SAMD5: variants seen among roughly 807,000 people sequenced by gnomAD.
SAMD5 encodes the protein sterile alpha motif domain containing 5.
A neutral mutation model predicts 11.3 loss-of-function variants in SAMD5; 13 were observed. The ratio of observed to expected loss-of-function variants is 1.15; its 90% CI spans 0.75 to 1.83. SAMD5 has a LOEUF of 1.83. Among genes scored for constraint, SAMD5 ranks in the 40% most tolerant of loss-of-function variants. The probability of loss-of-function intolerance (pLI) is 0.00; values close to 1 mark genes in which losing one functional copy is unlikely to be tolerated. For synonymous variants in SAMD5, 129 were observed against 111.3 expected (o/e 1.16, Z -1.00); for missense variants, 255 against 239.1 (o/e 1.07, Z -0.44).
chr6:147,806,299 CGCAT>C, the SAMD5 span, among the ~76,000 whole-genome samples: 2 of 89,720 alleles, frequency 2.2e-5, no homozygotes, highest in African/African-American at 1.2e-4. Flanking sequence ...AACGAGTGTG[CGCAT>C]GCGCGCGCGC....
the SAMD5 span, among the ~76,000 whole-genome samples, chr6:147,883,604 G>A: frequency 9.5e-3 from 1,444 of 152,060 alleles, 20 homozygotes; most frequent in African/African-American, 0.033. Flanking sequence ...TACAAAATTG[G>A]GTGTTTGAAA....
In SAMD5 at chr6:147,585,196, A is replaced by G. The variant is rs569022970; in HGVS notation, c.162+75809A>G. 6.6e-5 allele frequency among the ~76,000 whole-genome samples: 10 copies of G among 152,266 alleles called. 1 individual carries two copies. In the East Asian group the frequency reaches 1.9e-3, roughly 29 times the overall value. ...ATCTGGAGAATATCATGGCGCTTAG[A>G]TGGAGGATCTGTTCTGGAGAGGGGT... On this transcript the variant is annotated intron_variant, in intron 1 of 1. Transcript: ENST00000566741.
chr6:147,790,913 T>C, the SAMD5 span, among the ~76,000 whole-genome samples: 1 of 151,938 alleles, frequency 6.6e-6, no homozygotes, highest in African/African-American at 2.4e-5. Context: ...AATTTGACTC[T>C]GTGAAAGTGC....
chr6:147,761,162 A>G, the SAMD5 span, among the ~76,000 whole-genome samples: 3 of 152,292 alleles, frequency 2.0e-5, no homozygotes, highest in African/African-American at 7.2e-5. Flanking sequence ...AGTAAACTTC[A>G]TTAAAAAATA....
chr6:147,509,936 C>A (rs1788062212), intron 1 of SAMD5, among the ~76,000 whole-genome samples: 1 of 152,152 alleles, frequency 6.6e-6, no homozygotes, highest in African/African-American at 2.4e-5. Flanking sequence ...TTCACATGAG[C>A]ATTTTAAGAG....
At chr6:147,807,661 G>T in the SAMD5 span, among the ~76,000 whole-genome samples, 1 of 152,136 alleles carries the variant, frequency 6.6e-6, no homozygotes, top group Non-Finnish European at 1.5e-5. Flanking sequence ...TAGAGCTAAG[G>T]TTTAAATTGT....
the SAMD5 span, among the ~76,000 whole-genome samples, chr6:147,767,478 A>G: frequency 2.0e-3 from 298 of 152,232 alleles, 5 homozygotes; most frequent in Non-Finnish European, 1.4e-3. Flanking sequence ...CGAAACTCTT[A>G]TGTTGAAGCC....
the SAMD5 span, among the ~76,000 whole-genome samples, chr6:147,782,958 T>G: frequency 6.6e-6 from 1 of 152,198 alleles, no homozygotes; most frequent in Non-Finnish European, 1.5e-5. Flanking sequence ...GTGTCTGTAA[T>G]TGAAGTCTAA....
chr6:147,843,275 A>G, the SAMD5 span, among the ~76,000 whole-genome samples: 1 of 152,244 alleles, frequency 6.6e-6, no homozygotes, highest in Non-Finnish European at 1.5e-5. Context: ...ACTTAGGAGT[A>G]AATTTCACCA....
chr6:147,723,806 T>C (rs1358942039), intron 1 of SAMD5, among the ~76,000 whole-genome samples: 1 of 152,234 alleles, frequency 6.6e-6, no homozygotes, highest in Non-Finnish European at 1.5e-5. Context: ...CTCACTTGGT[T>C]GCCTTGGGAC....
At chr6:147,810,676 A>G in the SAMD5 span, among the ~76,000 whole-genome samples, 1 of 152,232 alleles carries the variant, frequency 6.6e-6, no homozygotes, top group African/African-American at 2.4e-5. Context: ...TCTTAGCACA[A>G]TTAACATTTC....
At chr6:147,835,235 A>AAAAAT in the SAMD5 span, among the ~76,000 whole-genome samples, 1 of 150,186 alleles carries the variant, frequency 6.7e-6, no homozygotes, top group African/African-American at 2.5e-5. Context: ...TCCATCTTAA[A>AAAAAT]AAAAAAAAAA....
At chr6:147,670,078 G>A (rs913876654) in intron 1 of SAMD5, among the ~76,000 whole-genome samples, 49 of 152,314 alleles carry the variant, frequency 3.2e-4, no homozygotes, top group African/African-American at 1.2e-3. Flanking sequence ...TTATTACCAA[G>A]CATGAAAACA....
At chr6:147,517,370 G>A (rs693879) in intron 1 of SAMD5, among the ~76,000 whole-genome samples, 71,703 of 151,948 alleles carry the variant, frequency 0.47, 19,673 homozygotes, top group African/African-American at 0.77. Flanking sequence ...TTATGTAAGC[G>A]CTCACCTGTG....
At chr6:147,789,098 AAC>A in the SAMD5 span, among the ~76,000 whole-genome samples, 16,540 of 129,414 alleles carry the variant, frequency 0.13, 1,052 homozygotes, top group Middle Eastern at 0.18. Context: ...CAAACAAACA[AAC>A]AAAAAAAAAA....
At chr6:147,515,416 TCC>T (rs1788153200) in intron 1 of SAMD5, among the ~76,000 whole-genome samples, 2 of 150,604 alleles carry the variant, frequency 1.3e-5, no homozygotes, top group African/African-American at 4.9e-5. Context: ...CATTTATCCA[TCC>T]GTCTTCCATC....
chr6:147,751,822 G>A, the SAMD5 span, among the ~76,000 whole-genome samples: 1 of 151,788 alleles, frequency 6.6e-6, no homozygotes, highest in Non-Finnish European at 1.5e-5. Flanking sequence ...TAATACTTGT[G>A]GAAATATTCT....
the SAMD5 span, among the ~76,000 whole-genome samples, chr6:147,840,123 C>T: frequency 1.3e-5 from 2 of 152,176 alleles, no homozygotes; most frequent in Non-Finnish European, 2.9e-5. Context: ...AAATTCCCTG[C>T]ACTGATAGAC....
chr6:147,907,254 C>T, the SAMD5 span, among the ~76,000 whole-genome samples: 29 of 152,288 alleles, frequency 1.9e-4, no homozygotes, highest in Middle Eastern at 3.4e-3. Flanking sequence ...CGCCTGTAAT[C>T]CCAGCACTTT....
Sources: allele counts gnomAD v4.1 joint callset (sites outside exome capture counted in the v4.1 genomes callset), GRCh38; gene constraint gnomAD v4.1.1; transcripts MANE v1.5; gene names NCBI Gene and HGNC (gene_info 2026-07-23, HGNC 2026-07-21).